The following ESRRG variants were observed in gnomAD, a reference collection of about 807,000 sequenced individuals.
ESRRG encodes estrogen-related receptor gamma.
In ESRRG, 13 loss-of-function variants were observed where a neutral mutation model predicts 44.0. That is an observed-to-expected ratio of 0.30 (90% CI 0.19 to 0.47). The LOEUF is 0.47. Ranked by LOEUF, ESRRG falls within the 20% of genes least tolerant of loss-of-function variation. The pLI is 1.00. For synonymous variants in ESRRG, 215 were observed against 214.6 expected (o/e 1.00, Z -0.02); for missense variants, 395 against 580.6 (o/e 0.68, Z 3.29).
At position 217,040,193 on chromosome 1, in the gene ESRRG, C is replaced by A. The variant is rs539045982; in HGVS notation, c.-106+49314G>T. Among the ~76,000 whole-genome samples the A allele has an allele frequency of 8.7e-4, 133 of 152,204 alleles. 1 individual carries two copies. Among genetic ancestry groups the A allele is most frequent in the South Asian group, 2.5e-3 (12 of 4,824 alleles). On this transcript the variant is annotated intron_variant, in intron 1 of 7. Transcript: ENST00000359162. Reference sequence around the variant, plus strand: ...CTATACATTTTTTTGAAATTTCAGGCTGGTGGTTGCAAAATGGGTTATTTA... The same window carrying A: ...CTATACATTTTTTTGAAATTTCAGGATGGTGGTTGCAAAATGGGTTATTTA...
intron 2 of ESRRG, among the ~76,000 whole-genome samples, chr1:216,920,375 T>G (rs984718790): frequency 7.4e-6 from 1 of 134,482 alleles, no homozygotes; most frequent in Non-Finnish European, 1.6e-5. Context: ...TGTGTGTGAA[T>G]GTATGGGAGT....
chr1:216,937,396 T>C (rs1280670411), intron 2 of ESRRG, among the ~76,000 whole-genome samples: 1 of 152,176 alleles, frequency 6.6e-6, no homozygotes, highest in Non-Finnish European at 1.5e-5. Context: ...AAAGGTTTCA[T>C]TGATTAGTTG....
chr1:216,901,257 T>C (rs1219720973), intron 2 of ESRRG, among the ~76,000 whole-genome samples: 2 of 152,096 alleles, frequency 1.3e-5, no homozygotes, highest in African/African-American at 4.8e-5. Flanking sequence ...AAGTAAAGAA[T>C]TAGAGAGAAT....
chr1:217,103,664 A>T (rs2092552071), intron 1 of ESRRG, among the ~76,000 whole-genome samples: 1 of 149,018 alleles, frequency 6.7e-6, no homozygotes, highest in African/African-American at 2.5e-5. Context: ...CCTCCAAAAA[A>T]TAATTAATTA....
At chr1:216,542,016 A>G (rs996223693) in intron 5 of ESRRG, among the ~76,000 whole-genome samples, 4 of 150,772 alleles carry the variant, frequency 2.7e-5, no homozygotes, top group African/African-American at 9.7e-5. Flanking sequence ...ATTCTTTGGT[A>G]ATTCTTCATG....
chr1:216,735,988 ATATAT>A (rs1559459555), intron 2 of ESRRG, among the ~76,000 whole-genome samples: 1 of 104,930 alleles, frequency 9.5e-6, no homozygotes, highest in Non-Finnish European at 2.2e-5. Context: ...TCAAAAAAAA[ATATAT>A]ATATATATAT....
chr1:216,740,257 C>T (rs1159110333), intron 2 of ESRRG, among the ~76,000 whole-genome samples: 1 of 152,108 alleles, frequency 6.6e-6, no homozygotes. Context: ...TGGAGATGTT[C>T]CCAATTTAGT....
intron 1 of ESRRG, among the ~76,000 whole-genome samples, chr1:216,951,843 A>G (rs1290634523): frequency 6.6e-6 from 1 of 151,570 alleles, no homozygotes. Context: ...TTTGCATAAG[A>G]AAACACACAC....
At chr1:217,022,324 TA>T (rs1414753218) in intron 1 of ESRRG, among the ~76,000 whole-genome samples, 1 of 152,154 alleles carries the variant, frequency 6.6e-6, no homozygotes, top group Non-Finnish European at 1.5e-5. Context: ...GTCCCCAAAA[TA>T]GGCGGGTGGA....
At chr1:216,651,592 G>T (rs2068977694) in intron 2 of ESRRG, among the ~76,000 whole-genome samples, 1 of 152,102 alleles carries the variant, frequency 6.6e-6, no homozygotes, top group Admixed American at 6.6e-5. Context: ...CTCCTAGAGG[G>T]TAGGGACAGA....
At chr1:216,828,797 C>A (rs924629874) in intron 2 of ESRRG, among the ~76,000 whole-genome samples, 1 of 99,646 alleles carries the variant, frequency 1.0e-5, no homozygotes, top group Non-Finnish European at 2.4e-5. Context: ...ATGCTAGAAC[C>A]CATATGTCCT....
chr1:216,733,976 G>A (rs1235092603), intron 2 of ESRRG, among the ~76,000 whole-genome samples: 1 of 131,624 alleles, frequency 7.6e-6, no homozygotes, highest in Non-Finnish European at 1.6e-5. Flanking sequence ...GAGCAACAGA[G>A]CAAGACTCTG....
chr1:217,090,340 G>A (rs1553348), upstream of ESRRG: 26,556 of 151,932 alleles, frequency 0.17, 2,725 homozygotes, highest in East Asian at 0.32. Context: ...CCCTCAGCCC[G>A]AATGCTGGGG....
chr1:216,790,804 T>A (rs904377224), intron 2 of ESRRG, among the ~76,000 whole-genome samples: 13 of 152,134 alleles, frequency 8.5e-5, no homozygotes, highest in African/African-American at 3.1e-4. Context: ...CCATGTTTGG[T>A]AGAGGACAGA....
intron 2 of ESRRG, among the ~76,000 whole-genome samples, chr1:216,903,666 A>G (rs1048575751): frequency 1.3e-5 from 2 of 151,716 alleles, no homozygotes; most frequent in African/African-American, 4.8e-5. Flanking sequence ...ATACTCAGAG[A>G]TGCAGAAGAG....
chr1:216,520,325 T>C (rs758887242), intron 5 of ESRRG, among the ~76,000 whole-genome samples: 31 of 152,226 alleles, frequency 2.0e-4, no homozygotes, highest in Admixed American at 9.2e-4. Context: ...TCAGTAAGTG[T>C]TGTTGTATGA....
intron 3 of ESRRG, among the ~76,000 whole-genome samples, chr1:216,641,379 C>A (rs1056503844): frequency 6.6e-6 from 1 of 152,160 alleles, no homozygotes; most frequent in Non-Finnish European, 1.5e-5. Context: ...ATGAGCCACA[C>A]GGATTACATG....
intron 1 of ESRRG, among the ~76,000 whole-genome samples, chr1:217,100,756 C>T (rs796780413): frequency 3.9e-5 from 6 of 152,258 alleles, no homozygotes; most frequent in African/African-American, 1.4e-4. Context: ...AGAGGTGCCA[C>T]TCTCTTTTAA....
chr1:216,733,460 T>C (rs2089272177), intron 2 of ESRRG, among the ~76,000 whole-genome samples: 1 of 152,204 alleles, frequency 6.6e-6, no homozygotes, highest in South Asian at 2.1e-4. Context: ...ATTGCCGTCA[T>C]TGAGCAGTTA....
Sources: allele counts gnomAD v4.1 joint callset (sites outside exome capture counted in the v4.1 genomes callset), GRCh38; gene constraint gnomAD v4.1.1; transcripts MANE v1.5; gene names NCBI Gene and HGNC (gene_info 2026-07-23, HGNC 2026-07-21).